The following MAD2L1 variants were observed in gnomAD, a reference collection of about 807,000 sequenced individuals.
The protein encoded by MAD2L1 is mitotic arrest deficient 2 like 1.
MAD2L1 carries 10 observed loss-of-function variants against 25.9 expected under a neutral mutation model. The ratio of observed to expected loss-of-function variants is 0.39; its 90% CI spans 0.24 to 0.66. MAD2L1 has a LOEUF of 0.66. Ranked by LOEUF, MAD2L1 falls within the 30% of genes least tolerant of loss-of-function variation. MAD2L1 has a pLI of 0.49. For missense variants in MAD2L1, 180 were observed against 246.4 expected, an observed-to-expected ratio of 0.73 and a Z score of 1.80; for synonymous variants, 81 against 91.8, an observed-to-expected ratio of 0.88 and a Z score of 0.67.
chr4:120,065,671 C>G lies in MAD2L1; in HGVS notation c.220+1G>C. ...CAAATTGTTTCCAATGATTAAAATA[C>G]CTTTCAGTTGTTCCACCACATTATT... On this transcript the variant is annotated splice_donor_variant, in intron 2 of 4. Transcript: ENST00000296509. LOFTEE classifies it high-confidence loss of function. 1.2e-6 allele frequency: 2 copies of G among 1,613,058 alleles called. No homozygotes were observed. Among genetic ancestry groups the G allele is most frequent in the Non-Finnish European group, 1.7e-6 (2 of 1,179,680 alleles).
chr4:120,066,847 A>T lies in MAD2L1; in HGVS notation c.-113T>A. On this transcript the variant is annotated 5_prime_UTR_variant, in exon 1 of 5. Coordinates refer to ENST00000296509, the MANE Select transcript of MAD2L1 (RefSeq NM_002358.4). ...AAAAGTAACGACGCAGCACGTCGTC[A>T]GGTCCTTTGCGCAGGCGCGACGAGC... 1.3e-6 allele frequency: 1 copy of T among 748,764 alleles called. No homozygotes were observed. Among genetic ancestry groups the T allele is most frequent in the South Asian group, 1.8e-5 (1 of 55,100 alleles). 46.4% of individuals were successfully genotyped at this position (748,764 alleles called of 1,614,324 possible).
chr4:120,061,700 T>A (rs1165518360), intron 3 of MAD2L1, among the ~76,000 whole-genome samples: 2 of 152,136 alleles, frequency 1.3e-5, no homozygotes, highest in African/African-American at 4.8e-5. Context: ...ATATCATGTG[T>A]AGTTTTGTAT....
chr4:120,065,185 G>A (rs1338316204), intron 2 of MAD2L1, among the ~76,000 whole-genome samples: 1 of 152,174 alleles, frequency 6.6e-6, no homozygotes, highest in Non-Finnish European at 1.5e-5. Flanking sequence ...AAAAAACTGT[G>A]AGTGTTCTGT....
In MAD2L1 at chr4:120,056,888, G is replaced by T. The variant is rs998864703; in HGVS notation, c.*3230C>A. The T allele has an allele frequency of 6.6e-6, 1 of 152,188 alleles. No homozygotes were observed. Among genetic ancestry groups the T allele is most frequent in the African/African-American group, 2.4e-5 (1 of 41,436 alleles). The allele number at this position is 152,188 out of a possible 1,614,324, so 9.4% of individuals were successfully genotyped here. On this transcript the variant is annotated 3_prime_UTR_variant, in exon 5 of 5. Coordinates refer to ENST00000296509, the MANE Select transcript of MAD2L1 (RefSeq NM_002358.4). The stretch of plus-strand genomic sequence containing the variant: ...AGCTGGTTGTGCTTCAGAGAATATG[G>T]AATTTAGGTATATTTGGGAGAGACA...
intron 3 of MAD2L1, 43 bp from the exon 4 acceptor site, chr4:120,061,020 A>C: frequency 1.7e-6 from 2 of 1,168,370 alleles, no homozygotes; most frequent in East Asian, 4.8e-5. Context: ...TTCAGGTCTT[A>C]ACAAATTATT....
intron 3 of MAD2L1, among the ~76,000 whole-genome samples, chr4:120,061,259 A>T (rs958410421): frequency 6.6e-5 from 10 of 152,176 alleles, no homozygotes; most frequent in Admixed American, 2.0e-4. Context: ...AAAATTTGCC[A>T]ATCACTTCAA....
At chr4:120,063,227 G>C (rs1430103439) in intron 2 of MAD2L1, among the ~76,000 whole-genome samples, 3 of 152,146 alleles carry the variant, frequency 2.0e-5, no homozygotes, top group Non-Finnish European at 4.4e-5. Context: ...ACTACACAGA[G>C]GTTGTTAGTG....
At chr4:120,065,378 T>C in intron 2 of MAD2L1, 1 of 254,562 alleles carries the variant, frequency 3.9e-6, no homozygotes, top group Non-Finnish European at 7.7e-6. Flanking sequence ...TATAATTATG[T>C]AAAATTCCAA....
Position 120,059,111 on chromosome 4 carries a change from G to C in MAD2L1, c.*1007C>G, listed in dbSNP as rs1405391713. 1 of 152,146 alleles carries C rather than the reference G, an allele frequency of 6.6e-6. No homozygotes were observed. Among genetic ancestry groups the C allele is most frequent in the Admixed American group, 6.5e-5 (1 of 15,276 alleles). The allele number at this position is 152,146 out of a possible 1,614,324, so 9.4% of individuals were successfully genotyped here. ...TAAGCATAGTATTTAAGTATATAAG[G>C]AAAAGTAGGCTGACAATAAGGCTAA... On this transcript the variant is annotated 3_prime_UTR_variant, in exon 5 of 5. Coordinates refer to ENST00000296509, the MANE Select transcript of MAD2L1 (RefSeq NM_002358.4).
At chr4:120,065,888 G>A in intron 1 of MAD2L1, 70 bp from the exon 2 acceptor site, 1 of 1,496,718 alleles carries the variant, frequency 6.7e-7, no homozygotes. Flanking sequence ...AATATATTTA[G>A]ATGTTGCTAT....
chr4:120,061,536 G>C (rs993495968), intron 3 of MAD2L1, among the ~76,000 whole-genome samples: 7 of 152,112 alleles, frequency 4.6e-5, no homozygotes, highest in South Asian at 2.1e-4. Flanking sequence ...TTCTCTTCCA[G>C]GGAGTCTGGA....
In MAD2L1 at chr4:120,064,147, G is replaced by A. The variant is rs1221798758; in HGVS notation, c.220+1525C>T. On this transcript the variant is annotated intron_variant, in intron 2 of 4. Transcript: ENST00000296509. ...GACAACCTAAAAACCATTGGCTTAGGCAATGCTTGCTTCTCCAGCAAATTA... is the reference window on the plus strand; with the variant it reads ...GACAACCTAAAAACCATTGGCTTAGACAATGCTTGCTTCTCCAGCAAATTA... Among the ~76,000 whole-genome samples the A allele has an allele frequency of 3.9e-5, 6 of 152,306 alleles. No individual in the cohort carries two copies. The East Asian group carries it at 9.7e-4, about 25-fold the overall frequency.
At chr4:120,063,974 A>G (rs1158529558) in intron 2 of MAD2L1, among the ~76,000 whole-genome samples, 2 of 152,218 alleles carry the variant, frequency 1.3e-5, no homozygotes, top group Non-Finnish European at 2.9e-5. Context: ...CCTTGGTGCC[A>G]GAGTGAGACT....
At chr4:120,066,610 G>C in intron 1 of MAD2L1, 52 bp downstream of exon 1, 1 of 1,518,782 alleles carries the variant, frequency 6.6e-7, no homozygotes, top group African/African-American at 1.4e-5. Flanking sequence ...TGGGCCTACT[G>C]AGCCGTCACG....
chr4:120,056,963 G>C lies in MAD2L1; in HGVS notation c.*3155C>G, dbSNP rs1726121431. 1 of 152,208 alleles carries C rather than the reference G, an allele frequency of 6.6e-6. No homozygotes were observed. 9.4% of individuals were successfully genotyped at this position (152,208 alleles called of 1,614,324 possible). On this transcript the variant is annotated 3_prime_UTR_variant, in exon 5 of 5. Coordinates refer to ENST00000296509, the MANE Select transcript of MAD2L1 (RefSeq NM_002358.4). Reference sequence around the variant, plus strand: ...AGGCAACAAACGATGTTTTACAAGTGAGCTTTAAATATTACGGTATCAAAT... The same window carrying C: ...AGGCAACAAACGATGTTTTACAAGTCAGCTTTAAATATTACGGTATCAAAT...
chr4:120,062,173 T>TA, intron 2 of MAD2L1, 78 bp from the exon 3 acceptor site: 12 of 1,361,082 alleles, frequency 8.8e-6, no homozygotes, highest in Non-Finnish European at 1.2e-5. Flanking sequence ...TCCCACTCCC[T>TA]ATCCTCAGCA....
rs61752610 is a variant in MAD2L1, at chr4:120,060,980, G to T, written c.342-3C>A. ...TCTGAGACTTTTCTCTGGGTGCACT[G>T]TCAAAAAAAAATCAAATCAATTAAT... On this transcript the variant is annotated splice_region_variant and splice_polypyrimidine_tract_variant and intron_variant, in intron 3 of 4. Transcript: ENST00000296509. 94,829 of 1,565,246 alleles carry T rather than the reference G, an allele frequency of 0.061. 3,353 individuals carry two copies. Among genetic ancestry groups the T allele is most frequent in the Non-Finnish European group, 0.071 (80,981 of 1,139,112 alleles).
rs1362469236 is a variant in MAD2L1, at chr4:120,058,223, C to T, written c.*1895G>A. The T allele has an allele frequency of 1.3e-5, 2 of 152,156 alleles. No homozygotes were observed. Among genetic ancestry groups the T allele is most frequent in the Non-Finnish European group, 2.9e-5 (2 of 68,038 alleles). The allele number at this position is 152,156 out of a possible 1,614,324, so 9.4% of individuals were successfully genotyped here. A position where few individuals can be genotyped will look rare whatever the true frequency, so the allele number is the denominator to read the frequency against. On this transcript the variant is annotated 3_prime_UTR_variant, in exon 5 of 5. Coordinates refer to ENST00000296509, the MANE Select transcript of MAD2L1 (RefSeq NM_002358.4). Reference sequence around the variant, plus strand: ...GTAAAATGACTCATCATGACTAGCTCTCCAGAAACCTCAGAGTAAATAGTA... The same window carrying T: ...GTAAAATGACTCATCATGACTAGCTTTCCAGAAACCTCAGAGTAAATAGTA...
chr4:120,058,971 T>TAGATTAG lies in MAD2L1; in HGVS notation c.*1140_*1146dup, dbSNP rs1219670709. The TAGATTAG allele has an allele frequency of 6.6e-6, 1 of 152,234 alleles. No individual in the cohort carries two copies. 9.4% of individuals were successfully genotyped at this position (152,234 alleles called of 1,614,324 possible). On this transcript the variant is annotated 3_prime_UTR_variant, in exon 5 of 5. Transcript: ENST00000296509. ...AATTTTTACAAAATGAGGTCAGATT[T>TAGATTAG]AGATTAGAGATTAGAGAAGACTTTA...
Sources: allele counts gnomAD v4.1 joint callset (sites outside exome capture counted in the v4.1 genomes callset), GRCh38; gene constraint gnomAD v4.1.1; transcripts MANE v1.5; gene names NCBI Gene and HGNC (gene_info 2026-07-23, HGNC 2026-07-21).